The following COL4A1 variants were observed in gnomAD, a reference collection of about 807,000 sequenced individuals.
COL4A1 encodes the protein collagen type IV alpha 1 chain.
Under a neutral mutation model 216.6 loss-of-function variants are expected in COL4A1, and 40 were observed. That is an observed-to-expected ratio of 0.18 (90% CI 0.14 to 0.24). The LOEUF (loss-of-function observed/expected upper bound fraction) is 0.24. Among genes scored for constraint, COL4A1 ranks in the 10% least tolerant of loss-of-function variants. COL4A1 has a pLI of 1.00. For missense variants in COL4A1, 1,628 were observed against 2,196.8 expected (o/e 0.74, Z 5.18); for synonymous variants, 839 against 810.7 (o/e 1.03, Z -0.59).
chr13:110,165,293 C>T (rs756204668), intron 45 of COL4A1, among the ~76,000 whole-genome samples: 1 of 152,100 alleles, frequency 6.6e-6, no homozygotes, highest in Admixed American at 6.5e-5. Context: ...GCCCTCCCAG[C>T]AGGGAGAGAA....
intron 50 of COL4A1, among the ~76,000 whole-genome samples, chr13:110,154,394 T>C (rs1876664644): frequency 6.6e-6 from 1 of 152,242 alleles, no homozygotes; most frequent in Non-Finnish European, 1.5e-5. Context: ...GTCCTTGCCC[T>C]CTGGGAAGGG....
intron 1 of COL4A1, among the ~76,000 whole-genome samples, chr13:110,251,526 T>A (rs545307098): frequency 6.6e-6 from 1 of 152,216 alleles, no homozygotes; most frequent in South Asian, 2.1e-4. Context: ...CAGAGCTGAG[T>A]GTGTGAGCAA....
rs1249682814 is a variant in COL4A1 at position 110,211,316 on chromosome 13, T to C, written c.468+331A>G. Among the ~76,000 whole-genome samples, 2 of 152,090 alleles carry C rather than the reference T, an allele frequency of 1.3e-5. No individual in the cohort carries two copies. Among genetic ancestry groups the C allele is most frequent in the Admixed American group, 6.5e-5 (1 of 15,276 alleles). ...CCCGCCTGGGAAAAGCTGCCCCAGGTTCCCTCCTGGGAAGTCTGAGAGGCA... is the reference window on the plus strand; with the variant it reads ...CCCGCCTGGGAAAAGCTGCCCCAGGCTCCCTCCTGGGAAGTCTGAGAGGCA... On this transcript the variant is annotated intron_variant, in intron 8 of 51. Transcript: ENST00000375820. The surrounding 1 kb of genome is among the most constrained non-coding windows in gnomAD (Gnocchi z 4.3).
intron 46 of COL4A1, 140 bp from the exon 47 acceptor site, chr13:110,163,701 C>G: frequency 1.2e-6 from 1 of 830,212 alleles, no homozygotes; most frequent in East Asian, 2.7e-5. Context: ...CTCGGACAGC[C>G]AGGAGTTGCT....
chr13:110,199,846 C>A (rs2139188983), intron 20 of COL4A1, among the ~76,000 whole-genome samples: 1 of 152,292 alleles, frequency 6.6e-6, no homozygotes, highest in South Asian at 2.1e-4. Context: ...GACATGAAGT[C>A]ACACATTTCC....
intron 1 of COL4A1, 141 bp from the exon 2 acceptor site, chr13:110,242,875 G>A: frequency 1.1e-6 from 1 of 910,182 alleles, no homozygotes; most frequent in Non-Finnish European, 1.8e-6. Flanking sequence ...ATCTGCACTG[G>A]TTTTCATGGG....
chr13:110,201,811 G>C (rs763041242), intron 18 of COL4A1: 4 of 539,248 alleles, frequency 7.4e-6, no homozygotes, highest in Non-Finnish European at 1.4e-5. Flanking sequence ...GTGAAACCCC[G>C]ACTCTACTAA....
intron 1 of COL4A1, among the ~76,000 whole-genome samples, chr13:110,302,412 G>A (rs1205965016): frequency 6.6e-6 from 1 of 152,178 alleles, no homozygotes; most frequent in Non-Finnish European, 1.5e-5. Context: ...TCCCCTTCAG[G>A]GAGTAATGGT....
intron 8 of COL4A1, 91 bp from the exon 9 acceptor site, chr13:110,210,303 G>T: frequency 8.3e-7 from 1 of 1,201,482 alleles, no homozygotes; most frequent in Non-Finnish European, 1.2e-6. Flanking sequence ...ATATATTAGT[G>T]TTACAGGACT....
chr13:110,154,288 A>G (rs1278970305), intron 50 of COL4A1, among the ~76,000 whole-genome samples: 1 of 152,212 alleles, frequency 6.6e-6, no homozygotes, highest in African/African-American at 2.4e-5. Context: ...GGGGTAATAG[A>G]ATAAAATAAG....
At chr13:110,261,785 A>C in intron 1 of COL4A1, among the ~76,000 whole-genome samples, 1 of 152,070 alleles carries the variant, frequency 6.6e-6, no homozygotes, top group East Asian at 1.9e-4. Flanking sequence ...TCCTAAGGAC[A>C]CTCTGCGTCC....
intron 2 of COL4A1, among the ~76,000 whole-genome samples, chr13:110,237,385 C>T (rs1429624611): frequency 6.6e-6 from 1 of 152,100 alleles, no homozygotes; most frequent in East Asian, 1.9e-4. Flanking sequence ...GTCTGCACCC[C>T]CCACCCCCCG....
chr13:110,262,402 A>G (rs906549625), intron 1 of COL4A1, among the ~76,000 whole-genome samples: 4 of 152,356 alleles, frequency 2.6e-5, no homozygotes, highest in African/African-American at 9.6e-5. Context: ...GAGTGGTGGT[A>G]ATTAAACTGT....
At chr13:110,214,122 C>A (rs983345607) in intron 2 of COL4A1, 107 bp from the exon 3 acceptor site, 1 of 899,790 alleles carries the variant, frequency 1.1e-6, no homozygotes, top group South Asian at 1.4e-5. Flanking sequence ...GAGATGGAGT[C>A]TCATTCTGTT....
At chr13:110,306,688 G>T (rs1202374256) in intron 1 of COL4A1, among the ~76,000 whole-genome samples, 1 of 152,236 alleles carries the variant, frequency 6.6e-6, no homozygotes, top group African/African-American at 2.4e-5. Flanking sequence ...CACAGCGCGG[G>T]CTGTTTCTCC....
chr13:110,166,499 A>C (rs895545454), intron 44 of COL4A1, among the ~76,000 whole-genome samples, 196 bp from the exon 45 acceptor site: 3 of 152,242 alleles, frequency 2.0e-5, no homozygotes, highest in Admixed American at 6.5e-5. Flanking sequence ...GCATACATAT[A>C]CACATACATA....
At chr13:110,201,007 A>G in intron 19 of COL4A1, 118 bp from the exon 20 acceptor site, 1 of 1,123,702 alleles carries the variant, frequency 8.9e-7, no homozygotes, top group Non-Finnish European at 1.3e-6. Context: ...GGCCAAAGGG[A>G]ACGTAGAAAA....
chr13:110,238,437 C>T (rs370166598), intron 2 of COL4A1, among the ~76,000 whole-genome samples: 47 of 152,302 alleles, frequency 3.1e-4, no homozygotes, highest in African/African-American at 1.1e-3. Flanking sequence ...TTCACATGTA[C>T]GTGTGACAGA....
intron 1 of COL4A1, among the ~76,000 whole-genome samples, chr13:110,246,863 CTGTG>C (rs1881836852): frequency 6.6e-6 from 1 of 152,154 alleles, no homozygotes; most frequent in African/African-American, 2.4e-5. Flanking sequence ...TGTTGTGCTC[CTGTG>C]AGGCACACAC....
Sources: allele counts gnomAD v4.1 joint callset (sites outside exome capture counted in the v4.1 genomes callset), GRCh38; gene constraint gnomAD v4.1.1; non-coding constraint Gnocchi (gnomAD v3.1); transcripts MANE v1.5; gene names NCBI Gene and HGNC (gene_info 2026-07-23, HGNC 2026-07-21).